CCDC171: variants seen among roughly 807,000 people sequenced by gnomAD.
CCDC171 encodes coiled-coil domain-containing protein 171.
CCDC171 carries 177 observed loss-of-function variants against 168.2 expected under a neutral mutation model. The observed-to-expected ratio is 1.05, with a 90% confidence interval of 0.93 to 1.19. CCDC171 has a LOEUF of 1.19. CCDC171 is among the 50% of genes most tolerant of loss of function. The pLI is 0.00. For synonymous variants in CCDC171, 687 were observed against 540.8 expected (o/e 1.27, Z -3.75); for missense variants, 1,991 against 1,539.0 (o/e 1.29, Z -4.91).
intron 7 of CCDC171, among the ~76,000 whole-genome samples, chr9:15,656,434 A>T (rs944124879): frequency 1.3e-5 from 2 of 152,370 alleles, no homozygotes; most frequent in Admixed American, 6.5e-5. Flanking sequence ...TCTTGCACAC[A>T]AATGCTCATA....
In CCDC171 at chr9:15,591,550, T is replaced by G. The variant is rs1239634433; in HGVS notation, c.537T>G (p.Thr179=). Residue 179 remains threonine (T), a synonymous_variant, in exon 5 of 26, where the codon ACT becomes ACG. Transcript: ENST00000380701. ...AAGAAAAAAGCAGACTAGAGAAAAC[T>G]CTACAGGTAAAATAGTTTTTATAAA... ...LMKEKSRLEK[T]LQEALEKHQR... 6.6e-7 allele frequency: 1 copy of G among 1,526,480 alleles called. No homozygotes were observed. Among genetic ancestry groups the G allele is most frequent in the Non-Finnish European group, 8.9e-7 (1 of 1,124,578 alleles). The allele number at this position is 1,526,480 out of a possible 1,614,324, so 94.6% of individuals were successfully genotyped here. A position where few individuals can be genotyped will look rare whatever the true frequency, so the allele number is the denominator to read the frequency against.
At chr9:15,790,367 T>C (rs1425750982) in intron 21 of CCDC171, among the ~76,000 whole-genome samples, 1 of 152,256 alleles carries the variant, frequency 6.6e-6, no homozygotes. Context: ...CATTTTTTCA[T>C]GTGTCTGTTG....
At position 15,562,962 on chromosome 9, in the gene CCDC171, GTC is replaced by G. The variant is rs574590275; in HGVS notation, c.-111-1012_-111-1011del. 4.5e-3 allele frequency among the ~76,000 whole-genome samples: 691 copies of G among 152,128 alleles called. 6 individuals are homozygous for G. Among genetic ancestry groups the G allele is most frequent in the Non-Finnish European group, 7.6e-3 (519 of 67,978 alleles). On this transcript the variant is annotated intron_variant, in intron 1 of 25. Coordinates refer to ENST00000380701, the MANE Select transcript of CCDC171 (RefSeq NM_173550.4). ...ATGGCTTTGGGCAAGACAGTTGAGC[GTC>G]TCTGAATCAGATGAGTTTTCTTATA...
At chr9:15,832,979 ATCTTTT>A (rs2060295965) in intron 21 of CCDC171, among the ~76,000 whole-genome samples, 1 of 121,508 alleles carries the variant, frequency 8.2e-6, no homozygotes, top group Non-Finnish European at 1.6e-5. Context: ...CTTCATTATA[ATCTTTT>A]TTTTTTTTTT....
At chr9:15,576,407 C>G (rs1486169627) in intron 3 of CCDC171, among the ~76,000 whole-genome samples, 1 of 151,966 alleles carries the variant, frequency 6.6e-6, no homozygotes, top group African/African-American at 2.4e-5. Flanking sequence ...AGGTTGGTCT[C>G]AAACTCCTAG....
At chr9:15,557,541 C>T (rs192547734) in intron 1 of CCDC171, among the ~76,000 whole-genome samples, 36 of 151,614 alleles carry the variant, frequency 2.4e-4, no homozygotes, top group Admixed American at 2.1e-3. Flanking sequence ...GGCTTTCTGT[C>T]TGTTATTGGT....
At chr9:15,583,580 A>G (rs2041313877) in intron 4 of CCDC171, among the ~76,000 whole-genome samples, 1 of 152,146 alleles carries the variant, frequency 6.6e-6, no homozygotes, top group South Asian at 2.1e-4. Flanking sequence ...CTAAGCTATG[A>G]GTATGCAAAG....
intron 6 of CCDC171, among the ~76,000 whole-genome samples, chr9:15,600,602 C>T (rs1057109915): frequency 2.0e-5 from 3 of 152,326 alleles, no homozygotes; most frequent in East Asian, 1.9e-4. Flanking sequence ...CTTGAGGATG[C>T]AGTCTGTCTG....
At chr9:16,072,635 T>A in the CCDC171 span, among the ~76,000 whole-genome samples, 4 of 152,224 alleles carry the variant, frequency 2.6e-5, no homozygotes, top group African/African-American at 4.8e-5. Flanking sequence ...CTTGATCTGA[T>A]GCTTTAGCCT....
At chr9:16,045,850 T>C (rs1833651925) in intron 1 of CCDC171, among the ~76,000 whole-genome samples, 1 of 152,176 alleles carries the variant, frequency 6.6e-6, no homozygotes, top group Non-Finnish European at 1.5e-5. Flanking sequence ...TTCACCCCCA[T>C]AAAATCCTCT....
chr9:15,739,007 A>G lies in CCDC171; in HGVS notation c.2050-5266A>G, dbSNP rs536640691. Among the ~76,000 whole-genome samples the G allele has an allele frequency of 7.4e-4, 113 of 152,314 alleles. 1 individual carries two copies. Among genetic ancestry groups the G allele is most frequent in the African/African-American group, 2.6e-3 (110 of 41,576 alleles). ...AGTATAGAGCACTGTGACAGACACT[A>G]TAGTAAATAATTCCTAACCTCTAGG... On this transcript the variant is annotated intron_variant, in intron 16 of 25. Coordinates refer to ENST00000380701, the MANE Select transcript of CCDC171 (RefSeq NM_173550.4).
chr9:16,033,657 C>T (rs938708527), intron 6 of CCDC171, among the ~76,000 whole-genome samples: 1 of 152,142 alleles, frequency 6.6e-6, no homozygotes, highest in Non-Finnish European at 1.5e-5. Context: ...AAATCTAATG[C>T]GCTTGAACCA....
intron 18 of CCDC171, among the ~76,000 whole-genome samples, 160 bp from the exon 19 acceptor site, chr9:15,777,440 T>A (rs2057386401): frequency 6.6e-6 from 1 of 152,210 alleles, no homozygotes; most frequent in African/African-American, 2.4e-5. Flanking sequence ...TTCCTTTTTT[T>A]CATAGTGAAA....
At chr9:16,078,260 T>C in the CCDC171 span, among the ~76,000 whole-genome samples, 1 of 152,122 alleles carries the variant, frequency 6.6e-6, no homozygotes, top group Non-Finnish European at 1.5e-5. Flanking sequence ...TGTGCCATTC[T>C]CTCCAAGGTG....
intron 1 of CCDC171, among the ~76,000 whole-genome samples, chr9:16,049,835 C>G (rs1452920434): frequency 2.6e-5 from 4 of 152,008 alleles, no homozygotes; most frequent in Non-Finnish European, 5.9e-5. Context: ...TCTGGAGAAC[C>G]CTGACTAATA....
chr9:15,674,693 G>C (rs1162939555), intron 9 of CCDC171, among the ~76,000 whole-genome samples: 1 of 152,158 alleles, frequency 6.6e-6, no homozygotes, highest in Non-Finnish European at 1.5e-5. Flanking sequence ...TTAATCCTGA[G>C]TTCTAGTTTG....
chr9:15,572,569 A>G (rs1231051338), intron 3 of CCDC171, among the ~76,000 whole-genome samples: 1 of 152,196 alleles, frequency 6.6e-6, no homozygotes, highest in Non-Finnish European at 1.5e-5. Context: ...TAATAGCTGT[A>G]ATTTATTGAC....
At chr9:16,022,550 T>A (rs1772752313) in exon 5 of CCDC171, 1 of 152,368 alleles carries the variant, frequency 6.6e-6, no homozygotes, top group African/African-American at 2.4e-5. Context: ...GACTGCTGCC[T>A]GCATCTGGGT....
At chr9:16,014,191 C>T (rs796630476) in intron 3 of CCDC171, among the ~76,000 whole-genome samples, 79 of 152,348 alleles carry the variant, frequency 5.2e-4, no homozygotes, top group African/African-American at 1.7e-3. Flanking sequence ...ATTTCAGCAA[C>T]ATTCACAGCA....
Sources: gnomAD v4.1 joint callset for allele counts (sites outside exome capture counted in the v4.1 genomes callset) on GRCh38, gnomAD v4.1.1 for gene constraint, MANE v1.5 for transcripts, NCBI Gene and HGNC (gene_info 2026-07-23, HGNC 2026-07-21) for gene names.